PPARGC1A: variants seen among roughly 807,000 people sequenced by gnomAD.
The protein encoded by PPARGC1A is peroxisome proliferator-activated receptor gamma coactivator 1-alpha.
PPARGC1A carries 25 observed loss-of-function variants against 88.7 expected under a neutral mutation model. The ratio of observed to expected loss-of-function variants is 0.28; its 90% confidence interval spans 0.21 to 0.39. The LOEUF is 0.39. Among genes scored for constraint, PPARGC1A ranks in the 10% least tolerant of loss-of-function variants. The pLI is 1.00. For missense variants in PPARGC1A, 880 were observed against 968.7 expected, an observed-to-expected ratio of 0.91 and a Z score of 1.22; for synonymous variants, 363 against 355.6, an observed-to-expected ratio of 1.02 and a Z score of -0.24.
the PPARGC1A span, among the ~76,000 whole-genome samples, chr4:24,150,512 A>AT: frequency 2.6e-5 from 4 of 152,194 alleles, no homozygotes; most frequent in Non-Finnish European, 5.9e-5. Flanking sequence ...GGCTTGACCC[A>AT]TCCCAATTAG....
the PPARGC1A span, among the ~76,000 whole-genome samples, chr4:24,133,673 T>G: frequency 6.6e-6 from 1 of 152,194 alleles, no homozygotes. Flanking sequence ...TTTAACAATT[T>G]TCCTCCTTTC....
chr4:23,999,212 C>T, the PPARGC1A span, among the ~76,000 whole-genome samples: 1 of 152,162 alleles, frequency 6.6e-6, no homozygotes, highest in Non-Finnish European at 1.5e-5. Context: ...TGGAAGTTAT[C>T]GCTGTATTAG....
chr4:24,227,257 T>C, the PPARGC1A span, among the ~76,000 whole-genome samples: 1 of 152,002 alleles, frequency 6.6e-6, no homozygotes, highest in South Asian at 2.1e-4. Flanking sequence ...GCTAATGTTT[T>C]TGTACTTTTA....
chr4:24,292,418 C>A, the PPARGC1A span, among the ~76,000 whole-genome samples: 1 of 151,764 alleles, frequency 6.6e-6, no homozygotes, highest in Non-Finnish European at 1.5e-5. Flanking sequence ...CTAAACACAC[C>A]CTTTCCTGGA....
At chr4:24,019,269 A>G in the PPARGC1A span, among the ~76,000 whole-genome samples, 3 of 152,352 alleles carry the variant, frequency 2.0e-5, no homozygotes, top group Middle Eastern at 3.4e-3. Context: ...AGCACCAGCA[A>G]TAATAATAGA....
At chr4:24,202,491 T>G in the PPARGC1A span, among the ~76,000 whole-genome samples, 1 of 152,152 alleles carries the variant, frequency 6.6e-6, no homozygotes, top group Non-Finnish European at 1.5e-5. Flanking sequence ...TCCCTAGTCT[T>G]CTGAAGAGTA....
chr4:23,812,196 GC>G (rs964253215), intron 10 of PPARGC1A, among the ~76,000 whole-genome samples: 74 of 151,958 alleles, frequency 4.9e-4, no homozygotes, highest in African/African-American at 1.7e-3. Context: ...ACATGCCTTG[GC>G]CTCCCAAAGT....
At chr4:24,004,352 C>A in the PPARGC1A span, among the ~76,000 whole-genome samples, 1 of 152,190 alleles carries the variant, frequency 6.6e-6, no homozygotes, top group East Asian at 1.9e-4. Context: ...AGAAAAAACA[C>A]AGCTTCTGCA....
the PPARGC1A span, among the ~76,000 whole-genome samples, chr4:24,271,643 C>T: frequency 6.6e-6 from 1 of 152,164 alleles, no homozygotes; most frequent in South Asian, 2.1e-4. Context: ...TCCCAAAGTG[C>T]TGGGATTACA....
chr4:24,457,794 A>G, the PPARGC1A span, among the ~76,000 whole-genome samples: 2 of 151,902 alleles, frequency 1.3e-5, no homozygotes, highest in Non-Finnish European at 2.9e-5. Flanking sequence ...CGATCTCTTG[A>G]CCTCGTGATC....
At chr4:24,119,572 G>A in the PPARGC1A span, among the ~76,000 whole-genome samples, 4 of 152,038 alleles carry the variant, frequency 2.6e-5, no homozygotes, top group Non-Finnish European at 4.4e-5. Context: ...AAAAGCTGAA[G>A]GCCTGCCCAG....
At chr4:24,087,018 T>A in the PPARGC1A span, among the ~76,000 whole-genome samples, 4 of 152,180 alleles carry the variant, frequency 2.6e-5, no homozygotes, top group East Asian at 7.7e-4. Flanking sequence ...CCATATGCTA[T>A]AATACCTGCT....
the PPARGC1A span, among the ~76,000 whole-genome samples, chr4:23,962,089 GC>G: frequency 6.6e-6 from 1 of 151,966 alleles, no homozygotes; most frequent in Non-Finnish European, 1.5e-5. Context: ...AGCCAAATGA[GC>G]CCATCTTCCA....
At chr4:24,253,357 G>C in the PPARGC1A span, among the ~76,000 whole-genome samples, 1 of 152,184 alleles carries the variant, frequency 6.6e-6, no homozygotes, top group African/African-American at 2.4e-5. Context: ...AAGGGAATGA[G>C]AATGTTGTAT....
At chr4:24,267,725 C>G in the PPARGC1A span, among the ~76,000 whole-genome samples, 1 of 152,128 alleles carries the variant, frequency 6.6e-6, no homozygotes, top group Non-Finnish European at 1.5e-5. Context: ...ATATTAAAAA[C>G]CAAAATGAAA....
the PPARGC1A span, among the ~76,000 whole-genome samples, chr4:24,154,014 A>C: frequency 6.6e-6 from 1 of 152,328 alleles, no homozygotes; most frequent in South Asian, 2.1e-4. Flanking sequence ...AGAAAAGATA[A>C]AGGACCATGG....
chr4:24,051,431 G>C, the PPARGC1A span, among the ~76,000 whole-genome samples: 2 of 152,088 alleles, frequency 1.3e-5, no homozygotes, highest in African/African-American at 4.8e-5. Flanking sequence ...ACTCTATGTA[G>C]TCTCTCTTTA....
chr4:24,409,563 G>A, the PPARGC1A span, among the ~76,000 whole-genome samples: 2 of 152,154 alleles, frequency 1.3e-5, no homozygotes, highest in Non-Finnish European at 2.9e-5. Flanking sequence ...TTACTCTTAA[G>A]GCCCTGACAA....
the PPARGC1A span, among the ~76,000 whole-genome samples, chr4:23,953,471 A>G: frequency 2.6e-5 from 4 of 152,142 alleles, no homozygotes; most frequent in Admixed American, 6.6e-5. Flanking sequence ...TTAACCATAC[A>G]GGATGCAGTC....
Sources: allele counts gnomAD v4.1 joint callset (sites outside exome capture counted in the v4.1 genomes callset), GRCh38; gene constraint gnomAD v4.1.1; transcripts MANE v1.5; gene names NCBI Gene and HGNC (gene_info 2026-07-23, HGNC 2026-07-21).